The following CCNJL variants were observed in gnomAD, a reference collection of about 807,000 sequenced individuals.
CCNJL encodes the protein cyclin-J-like protein.
In CCNJL, 33 loss-of-function variants were observed where a neutral mutation model predicts 33.4. The observed-to-expected ratio is 0.99, with a 90% CI of 0.75 to 1.32. CCNJL has a LOEUF of 1.32. Among genes scored for constraint, CCNJL ranks in the 40% most tolerant of loss-of-function variants. The pLI is 0.00. For missense variants in CCNJL, 512 were observed against 499.7 expected (o/e 1.02, Z -0.23); for synonymous variants, 227 against 220.9 (o/e 1.03, Z -0.24).
rs1760892148 is a variant in CCNJL at position 160,253,350 on chromosome 5, A to G, written c.*28T>C. On this transcript the variant is annotated 3_prime_UTR_variant, in exon 6 of 6. Coordinates refer to ENST00000257536, the MANE Select transcript of CCNJL (RefSeq NM_001308173.3). ...TCCTCTTCCTCTGCCCACATCTCCAAGGCTTCCTCGTGAGGTCTGGAGGTG... is the reference window on the plus strand; with the variant it reads ...TCCTCTTCCTCTGCCCACATCTCCAGGGCTTCCTCGTGAGGTCTGGAGGTG... 1 of 1,542,296 alleles carries G rather than the reference A, an allele frequency of 6.5e-7. No individual in the cohort carries two copies. The highest frequency in any genetic ancestry group is 1.9e-5 in the Admixed American group (1 of 52,848).
rs1554120707 is a variant in CCNJL at position 160,283,008 on chromosome 5, T to TATATATATAC, written c.67-2271_67-2270insGTATATATAT. Among the ~76,000 whole-genome samples, 170 of 52,608 alleles carry TATATATATAC rather than the reference T, an allele frequency of 3.2e-3. 2 individuals are homozygous for TATATATATAC. Among genetic ancestry groups the TATATATATAC allele is most frequent in the South Asian group, 0.028 (33 of 1,168 alleles). 34.5% of individuals were successfully genotyped at this position (52,608 alleles called of 152,430 possible). On this transcript the variant is annotated intron_variant, in intron 2 of 5. Coordinates refer to ENST00000257536, the MANE Select transcript of CCNJL (RefSeq NM_001308173.3). ...ATATATATATATATATATATATATA[T>TATATATATAC]ACATATATATATATATATACCTAAG...
intron 1 of CCNJL, among the ~76,000 whole-genome samples, chr5:160,337,003 C>CTTTTTTTTTTTTTTT (rs35461944): frequency 1.2e-4 from 11 of 95,058 alleles, no homozygotes; most frequent in East Asian, 3.3e-4. Flanking sequence ...CTTTTTCTTT[C>CTTTTTTTTTTTTTTT]TTTTTTTTTT....
At chr5:160,288,524 CCTTT>C (rs1383471689) in intron 2 of CCNJL, among the ~76,000 whole-genome samples, 21 of 152,064 alleles carry the variant, frequency 1.4e-4, no homozygotes, top group South Asian at 1.2e-3. Flanking sequence ...TTTTTCTTTT[CCTTT>C]CTTTTTCTTT....
intron 3 of CCNJL, among the ~76,000 whole-genome samples, chr5:160,279,383 T>G (rs1035143361): frequency 1.3e-5 from 2 of 152,258 alleles, no homozygotes; most frequent in Admixed American, 6.5e-5. Context: ...TCCATTCCTC[T>G]GCATTAGGGC....
chr5:160,250,919 T>C lies in CCNJL; in HGVS notation c.*2459A>G, dbSNP rs910487249. The C allele has an allele frequency of 5.9e-5, 9 of 152,154 alleles. No homozygotes were observed. Among genetic ancestry groups the C allele is most frequent in the African/African-American group, 2.2e-4 (9 of 41,424 alleles). 9.4% of individuals were successfully genotyped at this position (152,154 alleles called of 1,614,324 possible). ...AAGAACCCTATGAGGCAAGGTGTTA[T>C]CACTCCCATTTTAACAGGTGACAAG... is the stretch of plus-strand genomic sequence containing the variant. On this transcript the variant is annotated 3_prime_UTR_variant, in exon 6 of 6. Coordinates refer to ENST00000257536, the MANE Select transcript of CCNJL (RefSeq NM_001308173.3).
intron 2 of CCNJL, among the ~76,000 whole-genome samples, chr5:160,300,340 G>T (rs1005644577): frequency 1.3e-5 from 2 of 152,106 alleles, no homozygotes; most frequent in African/African-American, 2.4e-5. Context: ...CTTGATGCAG[G>T]TCTCAGCCCA....
Position 160,250,326 on chromosome 5 carries a change from T to TC in CCNJL, c.*3051dup, listed in dbSNP as rs1760771236. On this transcript the variant is annotated 3_prime_UTR_variant, in exon 6 of 6. Coordinates refer to ENST00000257536, the MANE Select transcript of CCNJL (RefSeq NM_001308173.3). ...ACCCAAGACTTGCCTTGTCTCTGAA[T>TC]CCCCAAAACTTAGAGCTTCCTGCCT... is the stretch of plus-strand genomic sequence containing the variant. 6.6e-6 allele frequency: 1 copy of TC among 152,260 alleles called. No homozygotes were observed. The highest frequency in any genetic ancestry group is 2.1e-4 in the South Asian group (1 of 4,836). The allele number at this position is 152,260 out of a possible 1,614,324, so 9.4% of individuals were successfully genotyped here.
At chr5:160,299,157 A>AT (rs67238746) in intron 2 of CCNJL, among the ~76,000 whole-genome samples, 22 of 149,830 alleles carry the variant, frequency 1.5e-4, no homozygotes, top group African/African-American at 2.9e-4. Flanking sequence ...TTAAAAAAAA[A>AT]TTTTTTTTTT....
At chr5:160,262,558 A>C (rs888929704) in intron 3 of CCNJL, among the ~76,000 whole-genome samples, 4 of 152,238 alleles carry the variant, frequency 2.6e-5, no homozygotes, top group Non-Finnish European at 5.9e-5. Context: ...ATGGTGCTGC[A>C]GAATGGAAAG....
At chr5:160,260,621 T>TG (rs112200659) in intron 3 of CCNJL, among the ~76,000 whole-genome samples, 4 of 151,910 alleles carry the variant, frequency 2.6e-5, no homozygotes, top group African/African-American at 7.3e-5. Flanking sequence ...CAGGGGCTGG[T>TG]GGGGGGGCAT....
At chr5:160,261,551 C>T (rs563974453) in intron 3 of CCNJL, among the ~76,000 whole-genome samples, 1 of 152,272 alleles carries the variant, frequency 6.6e-6, no homozygotes, top group East Asian at 1.9e-4. Context: ...GAGGAAGAGC[C>T]TCCTGCATGG....
At chr5:160,327,245 C>G in intron 1 of CCNJL, among the ~76,000 whole-genome samples, 1 of 152,170 alleles carries the variant, frequency 6.6e-6, no homozygotes, top group Middle Eastern at 3.2e-3. Context: ...ACAGCAGTGC[C>G]TACCCTTGGA....
chr5:160,254,314 G>A (rs968653289), intron 5 of CCNJL: 6 of 670,660 alleles, frequency 8.9e-6, no homozygotes, highest in Middle Eastern at 2.3e-4. Context: ...TGGGGCCTAG[G>A]ATTTTTCATC....
chr5:160,295,789 C>T (rs1762732976), intron 2 of CCNJL, among the ~76,000 whole-genome samples: 1 of 152,204 alleles, frequency 6.6e-6, no homozygotes, highest in Non-Finnish European at 1.5e-5. Context: ...TCAGAGGGAA[C>T]CATGGTCTGC....
At chr5:160,261,065 C>T (rs1272428245) in intron 3 of CCNJL, 1 of 152,328 alleles carries the variant, frequency 6.6e-6, no homozygotes, top group African/African-American at 2.4e-5. Context: ...GAAGGGCAAA[C>T]AACACATGCA....
intron 3 of CCNJL, among the ~76,000 whole-genome samples, chr5:160,271,300 C>T (rs534334312): frequency 2.6e-5 from 4 of 152,076 alleles, no homozygotes; most frequent in East Asian, 1.9e-4. Flanking sequence ...TCCTGAACAC[C>T]GCATGTTCAA....
Position 160,326,558 on chromosome 5 carries a change from C to T in CCNJL, n.207-11053G>A, listed in dbSNP as rs563044017. 33 of 312,868 alleles carry T rather than the reference C, an allele frequency of 1.1e-4. No homozygotes were observed. In the East Asian group the frequency reaches 1.7e-3, roughly 16 times the overall value. The allele number at this position is 312,868 out of a possible 1,614,324, so 19.4% of individuals were successfully genotyped here. A position where few individuals can be genotyped will look rare whatever the true frequency, so the allele number is the denominator to read the frequency against. On this transcript the variant is annotated intron_variant and non_coding_transcript_variant, in intron 1 of 7. Coordinates refer to the CCNJL transcript ENST00000377503. ...CAATCTCTAAAATAAATATTCAAAA[C>T]GATTACACTGCCAATATAAATTAAA... is the stretch of plus-strand genomic sequence containing the variant.
intron 3 of CCNJL, among the ~76,000 whole-genome samples, chr5:160,259,973 G>A (rs925418921): frequency 2.6e-5 from 4 of 152,228 alleles, no homozygotes; most frequent in African/African-American, 7.2e-5. Flanking sequence ...CCCACTGGGG[G>A]ATCATGGCTA....
At chr5:160,339,353 G>C (rs1763721531) in intron 1 of CCNJL, 2 of 303,504 alleles carry the variant, frequency 6.6e-6, no homozygotes, top group Non-Finnish European at 6.3e-6. Flanking sequence ...TGAGCAACAT[G>C]CAAAACAAAA....
Sources: allele counts gnomAD v4.1 joint callset (sites outside exome capture counted in the v4.1 genomes callset), GRCh38; gene constraint gnomAD v4.1.1; transcripts MANE v1.5; gene names NCBI Gene and HGNC (gene_info 2026-07-23, HGNC 2026-07-21).